Variants in XKR6 observed in about 807,000 individuals in gnomAD.
XKR6 encodes the protein XK-related protein 6.
In XKR6, 22 loss-of-function variants were observed where a neutral mutation model predicts 56.7. That is an observed-to-expected ratio of 0.39 (90% confidence interval 0.28 to 0.55). XKR6 has a LOEUF of 0.55. Ranked by LOEUF, XKR6 falls within the 20% of genes least tolerant of loss-of-function variation. XKR6 has a pLI of 0.66. For synonymous variants in XKR6, 524 were observed against 387.8 expected (o/e 1.35, Z -4.13); for missense variants, 852 against 889.0 (o/e 0.96, Z 0.53).
intron 1 of XKR6, among the ~76,000 whole-genome samples, chr8:10,969,720 G>T (rs1256476008): frequency 6.6e-6 from 1 of 152,182 alleles, no homozygotes; most frequent in East Asian, 1.9e-4. Flanking sequence ...ATGGAAACAG[G>T]AGCCCCCCAC....
chr8:11,076,066 A>G (rs1800266107), intron 1 of XKR6, among the ~76,000 whole-genome samples: 1 of 152,210 alleles, frequency 6.6e-6, no homozygotes, highest in South Asian at 2.1e-4. Flanking sequence ...TCTGGCACAC[A>G]CTACAACACG....
chr8:10,967,894 G>A (rs1226003082), intron 1 of XKR6, among the ~76,000 whole-genome samples: 1 of 152,214 alleles, frequency 6.6e-6, no homozygotes, highest in African/African-American at 2.4e-5. Flanking sequence ...GAGAGCAGGA[G>A]GACAGTTTCC....
At chr8:11,125,114 AG>A (rs1258134138) in intron 1 of XKR6, among the ~76,000 whole-genome samples, 24 of 133,532 alleles carry the variant, frequency 1.8e-4, no homozygotes, top group African/African-American at 6.1e-4. Context: ...GAAAAAGAAA[AG>A]AAAAAAAAAG....
At chr8:10,916,654 C>A (rs1800572828) in intron 2 of XKR6, among the ~76,000 whole-genome samples, 1 of 152,130 alleles carries the variant, frequency 6.6e-6, no homozygotes, top group Non-Finnish European at 1.5e-5. Context: ...GATACTTGGC[C>A]AGGGAGACAG....
intron 2 of XKR6, among the ~76,000 whole-genome samples, chr8:10,914,657 G>C (rs981686885): frequency 6.6e-6 from 1 of 152,172 alleles, no homozygotes; most frequent in Non-Finnish European, 1.5e-5. Flanking sequence ...AGAGATCTGA[G>C]CAGTCTCCCT....
At chr8:11,118,620 T>C (rs1170248170) in intron 1 of XKR6, among the ~76,000 whole-genome samples, 2 of 152,206 alleles carry the variant, frequency 1.3e-5, no homozygotes, top group Admixed American at 6.5e-5. Context: ...TATTCTCTGA[T>C]GGTAGTTTGT....
intron 1 of XKR6, among the ~76,000 whole-genome samples, chr8:11,062,221 A>T (rs1424957291): frequency 1.3e-5 from 2 of 152,126 alleles, no homozygotes; most frequent in African/African-American, 2.4e-5. Flanking sequence ...GGGGAAGTGG[A>T]CCACAGAGAG....
intron 1 of XKR6, among the ~76,000 whole-genome samples, chr8:11,162,882 TA>T (rs1305363864): frequency 6.6e-6 from 1 of 152,230 alleles, no homozygotes; most frequent in Non-Finnish European, 1.5e-5. Context: ...AGCTACAAGG[TA>T]AGAGTGTTTT....
chr8:11,098,677 G>T (rs1028596479), intron 1 of XKR6, among the ~76,000 whole-genome samples: 1 of 152,180 alleles, frequency 6.6e-6, no homozygotes, highest in African/African-American at 2.4e-5. Context: ...ATAGTATGTG[G>T]AAAGTTTATT....
At chr8:11,142,581 C>T (rs1000480714) in intron 1 of XKR6, among the ~76,000 whole-genome samples, 1 of 152,142 alleles carries the variant, frequency 6.6e-6, no homozygotes, top group South Asian at 2.1e-4. Flanking sequence ...GATCTGATTG[C>T]TTACAAGTGT....
chr8:10,979,001 C>T (rs371701472), intron 1 of XKR6, among the ~76,000 whole-genome samples: 5 of 152,276 alleles, frequency 3.3e-5, no homozygotes, highest in East Asian at 3.9e-4. Flanking sequence ...CCCATCTGTC[C>T]ACCCCCTGCC....
At chr8:11,095,924 T>G (rs373599356) in intron 1 of XKR6, among the ~76,000 whole-genome samples, 1 of 152,232 alleles carries the variant, frequency 6.6e-6, no homozygotes, top group African/African-American at 2.4e-5. Context: ...TAAAACTAAC[T>G]TTAATTGTCA....
intron 1 of XKR6, among the ~76,000 whole-genome samples, chr8:10,932,485 T>A (rs1476740462): frequency 6.7e-6 from 1 of 148,912 alleles, no homozygotes; most frequent in Non-Finnish European, 1.5e-5. Flanking sequence ...GCAGGTTAGT[T>A]ACATATGTAT....
intron 1 of XKR6, among the ~76,000 whole-genome samples, chr8:11,120,591 C>T (rs879922861): frequency 5.9e-4 from 89 of 152,128 alleles, no homozygotes; most frequent in Admixed American, 5.9e-4. Context: ...GAATCAATAT[C>T]GTGAAAATGG....
At chr8:11,145,693 G>A (rs1324927431) in intron 1 of XKR6, among the ~76,000 whole-genome samples, 1 of 152,166 alleles carries the variant, frequency 6.6e-6, no homozygotes, top group East Asian at 1.9e-4. Flanking sequence ...TAATTGCTAA[G>A]AGAAATTAAA....
At chr8:10,917,792 CACTA>C (rs908005008) in intron 2 of XKR6, among the ~76,000 whole-genome samples, 3 of 152,234 alleles carry the variant, frequency 2.0e-5, no homozygotes, top group Non-Finnish European at 4.4e-5. Flanking sequence ...GTGAACCTCT[CACTA>C]ACTGAGTCCG....
intron 1 of XKR6, among the ~76,000 whole-genome samples, chr8:11,114,587 C>T (rs1021582147): frequency 2.0e-5 from 3 of 152,226 alleles, no homozygotes; most frequent in Admixed American, 2.0e-4. Flanking sequence ...TCTTGAACTC[C>T]TGACCTCAGA....
intron 1 of XKR6, among the ~76,000 whole-genome samples, chr8:11,132,433 G>A (rs772301795): frequency 1.3e-5 from 2 of 151,226 alleles, no homozygotes; most frequent in African/African-American, 2.4e-5. Context: ...ATCTCGGATC[G>A]CTCACTGCAA....
At chr8:11,022,567 T>C (rs1798771356) in intron 1 of XKR6, among the ~76,000 whole-genome samples, 1 of 152,116 alleles carries the variant, frequency 6.6e-6, no homozygotes, top group Non-Finnish European at 1.5e-5. Context: ...CAGCAGCCAA[T>C]GGGTGAAGCG....
Sources: allele counts gnomAD v4.1 joint callset (sites outside exome capture counted in the v4.1 genomes callset), GRCh38; gene constraint gnomAD v4.1.1; transcripts MANE v1.5; gene names NCBI Gene and HGNC (gene_info 2026-07-23, HGNC 2026-07-21).